Variants in CDR2 observed in about 807,000 individuals in gnomAD.
CDR2 encodes cerebellar degeneration-related protein 2.
A neutral mutation model predicts 48.4 loss-of-function variants in CDR2; 34 were observed. The observed-to-expected ratio is 0.70, with a 90% CI of 0.53 to 0.94. The LOEUF is 0.94. CDR2 is among the 40% of genes least tolerant of loss of function. The pLI is 0.00. For missense variants in CDR2, 498 were observed against 549.5 expected (o/e 0.91, Z 0.94); for synonymous variants, 240 against 219.7 (o/e 1.09, Z -0.82).
intron 1 of CDR2, among the ~76,000 whole-genome samples, chr16:22,366,301 C>T (rs2049044283): frequency 6.6e-6 from 1 of 152,030 alleles, no homozygotes; most frequent in South Asian, 2.1e-4. Context: ...GCCCAGGAGC[C>T]ATAAGGAACT....
chr16:22,358,951 G>C (rs892995992), intron 2 of CDR2, among the ~76,000 whole-genome samples: 2 of 152,082 alleles, frequency 1.3e-5, no homozygotes, highest in Non-Finnish European at 2.9e-5. Flanking sequence ...AAAATAGCTA[G>C]AAAAGATACG....
chr16:22,351,793 G>A (rs1224305533), intron 2 of CDR2, among the ~76,000 whole-genome samples: 1 of 152,154 alleles, frequency 6.6e-6, no homozygotes, highest in African/African-American at 2.4e-5. Context: ...AAGTCACCTT[G>A]ATTCCCTCCC....
chr16:22,360,552 T>G (rs1474685691), intron 2 of CDR2, among the ~76,000 whole-genome samples: 6 of 152,070 alleles, frequency 3.9e-5, no homozygotes, highest in African/African-American at 1.4e-4. Flanking sequence ...ATTTCCATAA[T>G]AAGTCAGAAT....
intron 2 of CDR2, among the ~76,000 whole-genome samples, chr16:22,359,423 C>G (rs1401532610): frequency 6.6e-6 from 1 of 152,176 alleles, no homozygotes. Context: ...CCGCCACCGG[C>G]TCACTACTAA....
intron 1 of CDR2, among the ~76,000 whole-genome samples, chr16:22,370,318 G>T (rs902309342): frequency 1.3e-5 from 2 of 152,172 alleles, no homozygotes; most frequent in African/African-American, 4.8e-5. Flanking sequence ...GATGTTGTCA[G>T]TTTTAATAAC....
intron 4 of CDR2, 92 bp from the exon 5 acceptor site, chr16:22,347,915 TGAG>T: frequency 4.8e-6 from 6 of 1,249,458 alleles, no homozygotes; most frequent in Non-Finnish European, 6.6e-6. Flanking sequence ...TAAATAAATT[TGAG>T]GAGCTGTGAC....
At chr16:22,364,605 G>A (rs921980519) in intron 2 of CDR2, among the ~76,000 whole-genome samples, 1 of 152,164 alleles carries the variant, frequency 6.6e-6, no homozygotes, top group Non-Finnish European at 1.5e-5. Flanking sequence ...GCCCATGCCT[G>A]TAATCCCAGC....
chr16:22,366,632 G>A (rs1170494775), intron 1 of CDR2, among the ~76,000 whole-genome samples: 2 of 152,074 alleles, frequency 1.3e-5, no homozygotes, highest in African/African-American at 4.8e-5. Flanking sequence ...GGAGCAGAAT[G>A]TATTGGGCAG....
Position 22,347,304 on chromosome 16 carries a change from G to T in CDR2, c.1026C>A (p.Gly342=). 1.2e-6 allele frequency: 2 copies of T among 1,614,238 alleles called. No individual in the cohort carries two copies. Among genetic ancestry groups the T allele is most frequent in the Non-Finnish European group, 8.5e-7 (1 of 1,180,038 alleles). The stretch of plus-strand genomic sequence containing the variant: ...TGTCCACTTCGTGCAGAAGGGAGAT[G>T]CCCCTCTGTTTCACAGCCTTGGCCC... ...IRRAKAVKQR[G]ISLLHEVDTQ... The change falls in exon 5 of 5, where the codon GGC becomes GGA. Residue 342 remains glycine (G), a synonymous_variant. Transcript: ENST00000268383.
At chr16:22,369,108 G>A (rs2049060368) in intron 1 of CDR2, 1 of 151,974 alleles carries the variant, frequency 6.6e-6, no homozygotes, top group Non-Finnish European at 1.5e-5. Context: ...TTCCTCACTG[G>A]GAAGGCTCAG....
intron 2 of CDR2, among the ~76,000 whole-genome samples, chr16:22,352,860 C>T (rs188722972): frequency 2.0e-5 from 3 of 152,126 alleles, no homozygotes; most frequent in Admixed American, 2.0e-4. Flanking sequence ...TTCTTCTGGT[C>T]CTTTGGAAAT....
chr16:22,351,493 T>C (rs2048941787), intron 2 of CDR2, among the ~76,000 whole-genome samples: 1 of 152,194 alleles, frequency 6.6e-6, no homozygotes, highest in South Asian at 2.1e-4. Flanking sequence ...GTGTAAAACG[T>C]TCCTATTTCT....
At position 22,347,829 on chromosome 16, in the gene CDR2, GA is replaced by G. The variant is rs371413069; in HGVS notation, c.507-7del. 3 of 1,597,444 alleles carry G rather than the reference GA, an allele frequency of 1.9e-6. No individual in the cohort carries two copies. The highest frequency in any genetic ancestry group is 1.7e-6 in the Non-Finnish European group (2 of 1,171,646). On this transcript the variant is annotated splice_polypyrimidine_tract_variant and splice_region_variant and intron_variant, in intron 4 of 4. Coordinates refer to ENST00000268383, the MANE Select transcript of CDR2 (RefSeq NM_001802.2). ...CATGATCATACACGAAGTGTCTAGGGAAAAAAATATTGAAAGAATATATTAC... is the reference window on the plus strand; with the variant it reads ...CATGATCATACACGAAGTGTCTAGGGAAAAAATATTGAAAGAATATATTAC...
rs538484408 is a variant in CDR2, at chr16:22,371,682, C to G, written c.79+2549G>C. ...TTTTATTCACACTGTAGCCTTTATT[C>G]TTTGACAGGCCATATTCACAAGTTA... is the stretch of plus-strand genomic sequence containing the variant. On this transcript the variant is annotated intron_variant, in intron 1 of 4. Coordinates refer to ENST00000268383, the MANE Select transcript of CDR2 (RefSeq NM_001802.2). 5.5e-4 allele frequency among the ~76,000 whole-genome samples: 84 copies of G among 152,306 alleles called. 1 individual carries two copies. Among genetic ancestry groups the G allele is most frequent in the African/African-American group, 1.9e-3 (81 of 41,562 alleles).
chr16:22,351,268 G>A (rs1004737989), intron 2 of CDR2, among the ~76,000 whole-genome samples: 6 of 152,166 alleles, frequency 3.9e-5, no homozygotes, highest in African/African-American at 1.2e-4. Flanking sequence ...ATCAACTGAT[G>A]GACATTTGGG....
intron 1 of CDR2, chr16:22,369,007 T>C (rs765299665): frequency 6.6e-6 from 1 of 152,212 alleles, no homozygotes; most frequent in Non-Finnish European, 1.5e-5. Context: ...TAGACCCATA[T>C]GGAAGCTACC....
intron 4 of CDR2, 113 bp downstream of exon 4, chr16:22,349,165 CT>C: frequency 9.1e-7 from 1 of 1,097,208 alleles, no homozygotes; most frequent in Non-Finnish European, 1.3e-6. Context: ...CCAATGGTAG[CT>C]TAATAGCTAA....
At chr16:22,359,344 C>G (rs755720570) in intron 2 of CDR2, among the ~76,000 whole-genome samples, 1 of 152,112 alleles carries the variant, frequency 6.6e-6, no homozygotes, top group Admixed American at 6.5e-5. Context: ...CCAGGCTTAT[C>G]TTGAACTCCT....
At chr16:22,349,494 C>T (rs762964627) in intron 3 of CDR2, 51 bp from the exon 4 acceptor site, 1 of 1,603,922 alleles carries the variant, frequency 6.2e-7, no homozygotes. Context: ...GAATCAAGGG[C>T]AAAAGCGGTG....
Sources: allele counts gnomAD v4.1 joint callset (sites outside exome capture counted in the v4.1 genomes callset), GRCh38; gene constraint gnomAD v4.1.1; transcripts MANE v1.5; gene names NCBI Gene and HGNC (gene_info 2026-07-23, HGNC 2026-07-21).